Variants in ZBTB7C observed in about 807,000 individuals in gnomAD.
ZBTB7C encodes zinc finger and BTB domain containing 7C.
In ZBTB7C, 8 loss-of-function variants were observed where a neutral mutation model predicts 25.7. The ratio of observed to expected loss-of-function variants is 0.31; its 90% CI spans 0.18 to 0.56. The LOEUF (loss-of-function observed/expected upper bound fraction) is 0.56, where lower values mean the gene tolerates loss of function less well. Among genes scored for constraint, ZBTB7C ranks in the 20% least tolerant of loss-of-function variants. The probability of loss-of-function intolerance (pLI) is 0.91; values close to 1 mark genes in which losing one functional copy is unlikely to be tolerated. For synonymous variants in ZBTB7C, 394 were observed against 369.0 expected (o/e 1.07, Z -0.78); for missense variants, 824 against 855.2 (o/e 0.96, Z 0.46).
chr18:48,150,875 G>A (rs2040655380), intron 3 of ZBTB7C: 1 of 152,192 alleles, frequency 6.6e-6, no homozygotes, highest in Non-Finnish European at 1.5e-5. Context: ...GACATGCTGT[G>A]CAAGGACTGA....
chr18:48,321,080 C>A (rs1288080526), intron 2 of ZBTB7C, among the ~76,000 whole-genome samples: 1 of 152,242 alleles, frequency 6.6e-6, no homozygotes, highest in Admixed American at 6.5e-5. Flanking sequence ...ATTATTGGTG[C>A]CTGAGTCTCA....
intron 2 of ZBTB7C, among the ~76,000 whole-genome samples, chr18:48,216,650 T>C (rs2042830835): frequency 6.6e-6 from 1 of 152,062 alleles, no homozygotes; most frequent in Admixed American, 6.6e-5. Flanking sequence ...CCCTGACAAC[T>C]TCTCATCAGA....
intron 3 of ZBTB7C, among the ~76,000 whole-genome samples, chr18:48,067,131 C>CTAGCTCTA (rs773797573): frequency 1.4e-5 from 2 of 147,328 alleles, no homozygotes; most frequent in African/African-American, 2.5e-5. Flanking sequence ...AAAACAAAAC[C>CTAGCTCTA]TAGCTCTATA....
rs114035307 is a variant in ZBTB7C, at chr18:48,040,350, G to A, written c.758C>T (p.Pro253Leu). 5.0e-6 allele frequency: 8 copies of A among 1,608,356 alleles called. No individual in the cohort carries two copies. The Admixed American group carries it at 5.0e-5, about 10-fold the overall frequency. The change falls in exon 4 of 5, where the codon CCG becomes CTG. Residue 253 changes from proline to leucine, a missense_variant. Pro to Leu is a moderately conservative substitution (Grantham distance 98). Coordinates refer to ENST00000590800, the MANE Select transcript of ZBTB7C (RefSeq NM_001318841.2). ...TGGCCAGAGGTGTGGAAAGAAGTCC[G>A]GGGCGAATGGAGACAAGGAGGGTCT... ...DRRPSLSPFAPDFFPHLWPGD... is the reference protein window; with the variant it reads ...DRRPSLSPFALDFFPHLWPGD...
At chr18:48,262,302 G>A (rs947364330) in intron 2 of ZBTB7C, among the ~76,000 whole-genome samples, 16 of 152,170 alleles carry the variant, frequency 1.1e-4, no homozygotes, top group African/African-American at 3.6e-4. Context: ...GTTCAGTGAA[G>A]TTGAAGGATG....
intron 1 of ZBTB7C, among the ~76,000 whole-genome samples, chr18:48,348,710 G>A (rs1944575): frequency 0.32 from 48,050 of 152,208 alleles, 8,488 homozygotes; most frequent in East Asian, 0.69. Flanking sequence ...CCCGCTACTC[G>A]GGAGGCTGAG....
chr18:48,279,941 G>T (rs1212501193), intron 2 of ZBTB7C, among the ~76,000 whole-genome samples: 6 of 152,254 alleles, frequency 3.9e-5, no homozygotes, highest in Non-Finnish European at 1.5e-5. Context: ...TTCAAAAGGG[G>T]TTGGTAGGGA....
chr18:48,201,071 C>T lies in ZBTB7C; in HGVS notation c.-78-15076G>A, dbSNP rs181374356. Reference sequence around the variant, plus strand: ...CCACTTTCCATACAGGACAACATCCCGACACCCCAGATCTCACTTTAAGCC... The same window carrying T: ...CCACTTTCCATACAGGACAACATCCTGACACCCCAGATCTCACTTTAAGCC... On this transcript the variant is annotated intron_variant, in intron 2 of 4. Transcript: ENST00000590800. Among the ~76,000 whole-genome samples the T allele has an allele frequency of 2.6e-3, 394 of 152,276 alleles. 2 individuals are homozygous for T. The highest frequency in any genetic ancestry group is 9.2e-3 in the African/African-American group (381 of 41,558).
intron 2 of ZBTB7C, among the ~76,000 whole-genome samples, chr18:48,202,587 G>T (rs1012432616): frequency 6.6e-6 from 1 of 151,934 alleles, no homozygotes; most frequent in Non-Finnish European, 1.5e-5. Context: ...ACCTCTCCCC[G>T]CCCAGCTGTC....
At chr18:48,300,306 T>C (rs1048248122) in intron 2 of ZBTB7C, among the ~76,000 whole-genome samples, 30 of 152,166 alleles carry the variant, frequency 2.0e-4, no homozygotes, top group African/African-American at 6.8e-4. Flanking sequence ...TTCCAGGGTA[T>C]ATCAATCATC....
chr18:48,290,232 C>T (rs917499217), intron 2 of ZBTB7C, among the ~76,000 whole-genome samples: 3 of 152,236 alleles, frequency 2.0e-5, no homozygotes, highest in Non-Finnish European at 2.9e-5. Flanking sequence ...CAGGCCATGC[C>T]TGTAGCTTCT....
At chr18:48,296,194 G>T (rs1411247390) in intron 2 of ZBTB7C, among the ~76,000 whole-genome samples, 3 of 152,160 alleles carry the variant, frequency 2.0e-5, no homozygotes, top group Admixed American at 1.3e-4. Flanking sequence ...ACCTGCTCAG[G>T]CCCCCTGGAT....
At chr18:48,345,594 TG>T (rs2145001557) in intron 1 of ZBTB7C, among the ~76,000 whole-genome samples, 1 of 152,192 alleles carries the variant, frequency 6.6e-6, no homozygotes, top group Non-Finnish European at 1.5e-5. Context: ...AGCATGCTCC[TG>T]GGCGGGTATT....
intron 1 of ZBTB7C, among the ~76,000 whole-genome samples, chr18:48,347,701 T>G (rs922751506): frequency 5.9e-5 from 9 of 152,144 alleles, no homozygotes; most frequent in African/African-American, 2.2e-4. Flanking sequence ...ACATCTGAAC[T>G]CCCTGCTCAG....
chr18:48,212,263 T>C (rs1272469146), intron 2 of ZBTB7C, among the ~76,000 whole-genome samples: 1 of 152,150 alleles, frequency 6.6e-6, no homozygotes, highest in Non-Finnish European at 1.5e-5. Flanking sequence ...TGATCCTAAC[T>C]ATATGACACT....
intron 2 of ZBTB7C, among the ~76,000 whole-genome samples, chr18:48,295,846 C>A (rs537036024): frequency 6.6e-6 from 1 of 152,146 alleles, no homozygotes; most frequent in South Asian, 2.1e-4. Context: ...CAGTCGCAGG[C>A]GAGTGGGGAA....
intron 2 of ZBTB7C, among the ~76,000 whole-genome samples, chr18:48,208,947 C>T (rs1025266421): frequency 1.3e-5 from 2 of 152,244 alleles, no homozygotes; most frequent in Admixed American, 6.5e-5. Context: ...CCTGTGCTCA[C>T]TGTTGCTGTA....
At chr18:48,074,791 G>A (rs2037695230) in intron 3 of ZBTB7C, among the ~76,000 whole-genome samples, 1 of 152,180 alleles carries the variant, frequency 6.6e-6, no homozygotes, top group African/African-American at 2.4e-5. Context: ...TTAGCTGGAC[G>A]GTTCCAGCCT....
At chr18:48,083,921 G>C in intron 3 of ZBTB7C, 1 of 984,654 alleles carries the variant, frequency 1.0e-6, no homozygotes, top group Non-Finnish European at 1.2e-6. Context: ...TTCCAATCCT[G>C]TTGGTTGAAG....
Sources: allele counts gnomAD v4.1 joint callset (sites outside exome capture counted in the v4.1 genomes callset), GRCh38; gene constraint gnomAD v4.1.1; transcripts MANE v1.5; gene names NCBI Gene and HGNC (gene_info 2026-07-23, HGNC 2026-07-21).